The following MID1 variants were observed in gnomAD, a reference collection of about 807,000 sequenced individuals.
The protein encoded by MID1 is midline 1.
MID1 carries 7 observed loss-of-function variants against 40.4 expected under a neutral mutation model. That is an observed-to-expected ratio of 0.17 (90% CI 0.10 to 0.33). The LOEUF is 0.33. MID1 is among the 10% of genes least tolerant of loss of function. The probability of loss-of-function intolerance (pLI) is 1.00; values close to 1 mark genes in which losing one functional copy is unlikely to be tolerated. For synonymous variants in MID1, 229 were observed against 221.2 expected, an observed-to-expected ratio of 1.04 and a Z score of -0.31; for missense variants, 367 against 558.5, an observed-to-expected ratio of 0.66 and a Z score of 3.46.
At chrX:10,610,401 C>G (rs760201577) in intron 1 of MID1, among the ~76,000 whole-genome samples, 1 of 111,816 alleles carries the variant, frequency 8.9e-6, no homozygotes, top group African/African-American at 3.3e-5. Flanking sequence ...ACACACTCCA[C>G]GTGACTAGTA....
At chrX:10,712,511 C>T (rs1333566759) in intron 1 of MID1, among the ~76,000 whole-genome samples, 1 of 111,067 alleles carries the variant, frequency 9.0e-6, no homozygotes, top group Non-Finnish European at 1.9e-5. Flanking sequence ...TGCAAGCAGA[C>T]AGCCCACTCC....
At chrX:10,769,972 A>C (rs1003990966) in intron 1 of MID1, among the ~76,000 whole-genome samples, 3 of 111,799 alleles carry the variant, frequency 2.7e-5, no homozygotes, top group African/African-American at 6.5e-5. Context: ...TGGCAGGAAA[A>C]ATATTTATAT....
At chrX:10,770,617 G>A (rs1193883724) in intron 1 of MID1, among the ~76,000 whole-genome samples, 2 of 111,835 alleles carry the variant, frequency 1.8e-5, no homozygotes, top group Non-Finnish European at 3.8e-5. Flanking sequence ...TAGTGTTTAC[G>A]TAGGTAGTCC....
At chrX:10,633,927 C>A (rs1294524046) in intron 1 of MID1, among the ~76,000 whole-genome samples, 1 of 111,244 alleles carries the variant, frequency 9.0e-6, no homozygotes, top group Non-Finnish European at 1.9e-5. Flanking sequence ...AGGCTCTTCA[C>A]CTCACTGTTA....
chrX:10,632,790 AT>A (rs752207216), intron 1 of MID1, among the ~76,000 whole-genome samples: 4,183 of 109,437 alleles, frequency 0.038, 79 homozygotes, highest in Non-Finnish European at 0.058. Flanking sequence ...TGAGTTAAGA[AT>A]TTTTTTTTTA....
rs369909019 is a variant in MID1, at chrX:10,454,963, C to T, written c.1562G>A (p.Arg521His). 6 of 1,207,551 alleles carry T rather than the reference C, an allele frequency of 5.0e-6. No individual in the cohort carries two copies. Among genetic ancestry groups the T allele is most frequent in the South Asian group, 1.8e-5 (1 of 56,768 alleles). ...TCCATAGCTCCCCTGGCTGGTGAAG[C>T]GTTCAGGTGTGTGACTCTTCTTGGA... ...SSSKKSHTPE[R>H]FTSQGSYGVA... The change falls in exon 9 of 10, where the codon CGC becomes CAC. Residue 521 changes from arginine to histidine, a missense_variant. Coordinates refer to ENST00000317552, the MANE Select transcript of MID1 (RefSeq NM_000381.4).
intron 1 of MID1, among the ~76,000 whole-genome samples, chrX:10,587,655 A>G (rs1935170445): frequency 8.9e-6 from 1 of 112,743 alleles, no homozygotes; most frequent in Non-Finnish European, 1.9e-5. Context: ...CACATGGAAT[A>G]TTTGATCCAT....
rs143977658 is a variant in MID1, at chrX:10,691,644, G to T, written c.-186-71225C>A. ...AAGACCATTATTGTACAAATTGATT[G>T]TAAAATATGTGTGTTTAAACAATAT... On this transcript the variant is annotated intron_variant, in intron 1 of 10. Coordinates refer to the MID1 transcript ENST00000380785. Among the ~76,000 whole-genome samples the T allele has an allele frequency of 6.2e-3, 690 of 111,727 alleles. 9 individuals are homozygous for T. The highest frequency in any genetic ancestry group is 0.022 in the African/African-American group (664 of 30,756).
intron 1 of MID1, among the ~76,000 whole-genome samples, chrX:10,771,038 G>A (rs1275861276): frequency 9.2e-6 from 1 of 108,331 alleles, no homozygotes; most frequent in Non-Finnish European, 1.9e-5. Context: ...CCCGGGAGGC[G>A]GAGCTTGCAG....
intron 1 of MID1, among the ~76,000 whole-genome samples, chrX:10,575,529 C>A (rs1382640514): frequency 8.9e-6 from 1 of 112,124 alleles, no homozygotes; most frequent in Non-Finnish European, 1.9e-5. Flanking sequence ...ATAATACAAG[C>A]ACTCAGCATC....
chrX:10,781,071 C>G (rs753430813), intron 1 of MID1, among the ~76,000 whole-genome samples: 2 of 111,489 alleles, frequency 1.8e-5, no homozygotes, highest in African/African-American at 3.3e-5. Flanking sequence ...ACAGTTTAAG[C>G]TGAGAATTAA....
intron 3 of MID1, among the ~76,000 whole-genome samples, chrX:10,504,456 G>A (rs1047495282): frequency 1.8e-5 from 2 of 111,337 alleles, no homozygotes; most frequent in African/African-American, 3.3e-5. Flanking sequence ...AAATGTGAAC[G>A]ATCACTATTG....
intron 1 of MID1, among the ~76,000 whole-genome samples, chrX:10,799,903 A>G (rs1280626787): frequency 1.9e-5 from 2 of 106,702 alleles, no homozygotes; most frequent in Non-Finnish European, 3.8e-5. Flanking sequence ...GCAGGGATTT[A>G]AACTCATTTC....
intron 1 of MID1, among the ~76,000 whole-genome samples, chrX:10,809,451 T>C: frequency 9.0e-6 from 1 of 111,661 alleles, no homozygotes; most frequent in Non-Finnish European, 1.9e-5. Context: ...GGATTATAAA[T>C]CATGCTGCTA....
At chrX:10,584,045 A>C (rs1935080379) in intron 1 of MID1, among the ~76,000 whole-genome samples, 1 of 109,353 alleles carries the variant, frequency 9.1e-6, no homozygotes, top group African/African-American at 3.3e-5. Flanking sequence ...AAAAAAAAAG[A>C]AGAACAGAGA....
chrX:10,491,033 C>T (rs1414032968), intron 4 of MID1, among the ~76,000 whole-genome samples: 1 of 111,885 alleles, frequency 8.9e-6, no homozygotes, highest in Non-Finnish European at 1.9e-5. Flanking sequence ...CCTTCATCAA[C>T]CTTAACTACA....
chrX:10,805,553 C>T (rs1490614231), intron 1 of MID1, among the ~76,000 whole-genome samples: 3 of 98,070 alleles, frequency 3.1e-5, no homozygotes, highest in Non-Finnish European at 6.1e-5. Context: ...GTCTTTATAG[C>T]AGCATGATTT....
intron 2 of MID1, among the ~76,000 whole-genome samples, chrX:10,526,878 A>G (rs1035230616): frequency 1.3e-4 from 15 of 111,598 alleles, no homozygotes; most frequent in Non-Finnish European, 2.6e-4. Context: ...CTTGTTTCCA[A>G]GTGGTACCAA....
intron 4 of MID1, among the ~76,000 whole-genome samples, chrX:10,488,973 C>T (rs150408010): frequency 1.8e-5 from 2 of 109,652 alleles, no homozygotes; most frequent in Admixed American, 1.9e-4. Context: ...TCCTCTCTCT[C>T]TATATATATA....
Sources: gnomAD v4.1 joint callset for allele counts (sites outside exome capture counted in the v4.1 genomes callset) on GRCh38, gnomAD v4.1.1 for gene constraint, MANE v1.5 for transcripts, NCBI Gene and HGNC (gene_info 2026-07-23, HGNC 2026-07-21) for gene names.